ZFP41: variants seen among roughly 807,000 people sequenced by gnomAD.
ZFP41 encodes the protein zinc finger protein 41 homolog.
A neutral mutation model predicts 11.6 loss-of-function variants in ZFP41; 10 were observed. The ratio of observed to expected loss-of-function variants is 0.86; its 90% confidence interval spans 0.53 to 1.47. ZFP41 has a LOEUF of 1.47. Among genes scored for constraint, ZFP41 ranks in the 40% most tolerant of loss-of-function variants. ZFP41 has a pLI of 0.00. For missense variants in ZFP41, 302 were observed against 264.6 expected (o/e 1.14, Z -0.98); for synonymous variants, 123 against 100.9 (o/e 1.22, Z -1.31).
rs1816782134 is a variant in ZFP41, at chr8:143,250,411, C to T, written c.568C>T (p.Gln190Ter). 1.2e-6 allele frequency: 2 copies of T among 1,611,758 alleles called. No homozygotes were observed. The highest frequency in any genetic ancestry group is 2.7e-5 in the African/African-American group (2 of 74,900). The change falls in exon 2 of 3, where the codon CAG becomes TAG. Residue 190 changes from glutamine (Q) to a stop codon, truncating the protein, a stop_gained. Transcript: ENST00000330701. LOFTEE classifies it high-confidence loss of function. ...CTACAGCTCCTGTCTCATCCGCCAT[C>T]AGAAACGCCACCCTCGGAAGAAGCC... Reference protein sequence around the residue: ...FAYSSCLIRHQKRHPRKKP With the variant: ...FAYSSCLIRH
chr8:143,249,719 T>C lies in ZFP41; in HGVS notation c.-125T>C. ...AAGAGGATGGTGGCCCTTGGCCTCC[T>C]GGTGCAGAGCATCAGTCCCACGCTG... On this transcript the variant is annotated 5_prime_UTR_variant, in exon 2 of 3. Transcript: ENST00000330701. 3 of 1,431,202 alleles carry C rather than the reference T, an allele frequency of 2.1e-6. No individual in the cohort carries two copies. Among genetic ancestry groups the C allele is most frequent in the Non-Finnish European group, 1.8e-6 (2 of 1,088,160 alleles). 88.7% of individuals were successfully genotyped at this position (1,431,202 alleles called of 1,614,324 possible).
At chr8:143,252,991 A>G (rs1267400932) in intron 2 of ZFP41, 1 of 152,292 alleles carries the variant, frequency 6.6e-6, no homozygotes, top group African/African-American at 2.4e-5. Context: ...CAGGAGAGGA[A>G]TACTCGCACT....
chr8:143,247,193 G>C (rs1816709488), intron 1 of ZFP41, 51 bp downstream of exon 1: 3 of 152,572 alleles, frequency 2.0e-5, no homozygotes, highest in African/African-American at 4.8e-5. Flanking sequence ...GCGCAGCGTC[G>C]GTATGGGCCC....
rs778637646 is a variant in ZFP41 at position 143,250,305 on chromosome 8, C to T, written c.462C>T (p.Cys154=). 59 of 1,613,908 alleles carry T rather than the reference C, an allele frequency of 3.7e-5. No homozygotes were observed. The highest frequency in any genetic ancestry group is 4.5e-5 in the Non-Finnish European group (53 of 1,180,032). Reference sequence around the variant, plus strand: ...GGGAGTGCGGGAAAGCCTTTAACTGCGGCTCCAATCTCCTGAAACATCAGA... The same window carrying T: ...GGGAGTGCGGGAAAGCCTTTAACTGTGGCTCCAATCTCCTGAAACATCAGA... The part of the protein sequence containing the change: ...KCGECGKAFN[C]GSNLLKHQKT... The change falls in exon 2 of 3, where the codon TGC becomes TGT. Residue 154 remains cysteine (C), a synonymous_variant. Coordinates refer to ENST00000330701, the MANE Select transcript of ZFP41 (RefSeq NM_173832.6).
intron 1 of ZFP41, 118 bp downstream of exon 1, chr8:143,247,260 C>T (rs1038249170): frequency 6.6e-6 from 1 of 152,362 alleles, no homozygotes; most frequent in Admixed American, 6.5e-5. Context: ...GCTTTGAGCA[C>T]CTCCCGGGCG....
chr8:143,254,994 G>T lies in ZFP41; in HGVS notation c.*900+3654G>T, dbSNP rs181902784. ...CAATAAATATCTTTTCCATATTTAG[G>T]GCCAATAGGACGGATTCCCAGGTGT... On this transcript the variant is annotated intron_variant, in intron 2 of 2. Transcript: ENST00000330701. Among the ~76,000 whole-genome samples the T allele has an allele frequency of 2.2e-4, 34 of 152,064 alleles. No homozygotes were observed. The South Asian group carries it at 2.3e-3, about 10-fold the overall frequency.
Position 143,249,813 on chromosome 8 carries a change from C to G in ZFP41, c.-31C>G. On this transcript the variant is annotated 5_prime_UTR_variant, in exon 2 of 3. Transcript: ENST00000330701. ...GGGCCAACAGAGAGGTCAGCAGCCC[C>G]TTAGCCCTCACGCTTCCAAGGAACA... is the stretch of plus-strand genomic sequence containing the variant. 6.5e-7 allele frequency: 1 copy of G among 1,548,782 alleles called. No homozygotes were observed. Among genetic ancestry groups the G allele is most frequent in the African/African-American group, 1.4e-5 (1 of 72,360 alleles).
chr8:143,251,650 T>C (rs1265701580), intron 2 of ZFP41, among the ~76,000 whole-genome samples: 6 of 152,226 alleles, frequency 3.9e-5, no homozygotes, highest in Non-Finnish European at 8.8e-5. Context: ...CCTTGTCCAT[T>C]GAGCAGTCTC....
intron 2 of ZFP41, among the ~76,000 whole-genome samples, chr8:143,255,193 A>G (rs1814877317): frequency 6.6e-6 from 1 of 152,234 alleles, no homozygotes; most frequent in Non-Finnish European, 1.5e-5. Flanking sequence ...TAGTGGGTCA[A>G]GAGCATAGCT....
chr8:143,254,736 G>A lies in ZFP41; in HGVS notation c.*900+3396G>A, dbSNP rs112945237. Among the ~76,000 whole-genome samples, 108 of 149,978 alleles carry A rather than the reference G, an allele frequency of 7.2e-4. 1 individual carries two copies. Among genetic ancestry groups the A allele is most frequent in the African/African-American group, 2.5e-3 (101 of 40,974 alleles). ...CAACCTCCACCTCCCGCGGTCAAGC[G>A]ATTCCCCTGCTTCAGCATCCCGAGT... On this transcript the variant is annotated intron_variant, in intron 2 of 2. Transcript: ENST00000330701.
chr8:143,256,767 G>T (rs992087995), intron 2 of ZFP41, among the ~76,000 whole-genome samples: 13 of 152,090 alleles, frequency 8.5e-5, no homozygotes, highest in Non-Finnish European at 1.9e-4. Context: ...TAACGTTTAT[G>T]GTTATGAGAA....
intron 2 of ZFP41, among the ~76,000 whole-genome samples, chr8:143,255,421 C>G (rs759558474): frequency 2.6e-5 from 4 of 152,106 alleles, no homozygotes; most frequent in Non-Finnish European, 4.4e-5. Context: ...GAGATCAGAG[C>G]TCGCCCCGCG....
At chr8:143,258,490 A>G (rs1472636325) in intron 2 of ZFP41, among the ~76,000 whole-genome samples, 1 of 152,202 alleles carries the variant, frequency 6.6e-6, no homozygotes, top group African/African-American at 2.4e-5. Context: ...TGGTGTGAGC[A>G]AGAAGGGGAG....
intron 2 of ZFP41, among the ~76,000 whole-genome samples, chr8:143,251,615 C>T (rs768361879): frequency 3.3e-5 from 5 of 152,236 alleles, no homozygotes; most frequent in Non-Finnish European, 7.3e-5. Flanking sequence ...AGGAGGGTCC[C>T]GATTCGAGCT....
chr8:143,248,191 T>G (rs768702039), intron 1 of ZFP41: 12 of 152,162 alleles, frequency 7.9e-5, no homozygotes, highest in Admixed American at 1.3e-4. Flanking sequence ...CATTCCAGTC[T>G]CTGCCGGTTA....
intron 2 of ZFP41, among the ~76,000 whole-genome samples, chr8:143,255,586 A>C (rs111935175): frequency 0.011 from 1,556 of 139,020 alleles, 63 homozygotes; most frequent in African/African-American, 0.04. Flanking sequence ...TCTTGAGATC[A>C]GGGCTCGCCC....
intron 2 of ZFP41, among the ~76,000 whole-genome samples, chr8:143,256,977 A>G (rs1026970504): frequency 5.9e-5 from 9 of 152,258 alleles, no homozygotes; most frequent in African/African-American, 1.2e-4. Context: ...TGTCTTGTTT[A>G]AAAGAAGCTC....
chr8:143,251,649 T>C (rs1299657338), intron 2 of ZFP41, among the ~76,000 whole-genome samples: 3 of 152,190 alleles, frequency 2.0e-5, no homozygotes, highest in Non-Finnish European at 4.4e-5. Context: ...GCCTTGTCCA[T>C]TGAGCAGTCT....
chr8:143,252,373 T>C (rs1814786750), intron 2 of ZFP41, among the ~76,000 whole-genome samples: 1 of 152,226 alleles, frequency 6.6e-6, no homozygotes, highest in African/African-American at 2.4e-5. Flanking sequence ...CACCCCGCCA[T>C]GCCCCCATGG....
Sources: gnomAD v4.1 joint callset for allele counts (sites outside exome capture counted in the v4.1 genomes callset) on GRCh38, gnomAD v4.1.1 for gene constraint, MANE v1.5 for transcripts, NCBI Gene and HGNC (gene_info 2026-07-23, HGNC 2026-07-21) for gene names.